KCNN2: variants seen among roughly 807,000 people sequenced by gnomAD.
KCNN2 encodes small conductance calcium-activated potassium channel protein 2.
Under a neutral mutation model 55.5 loss-of-function variants are expected in KCNN2, and 24 were observed. That is an observed-to-expected ratio of 0.43 (90% CI 0.31 to 0.61). KCNN2 has a LOEUF of 0.61. Ranked by LOEUF, KCNN2 falls within the 20% of genes least tolerant of loss-of-function variation. The pLI is 0.08. For missense variants in KCNN2, 754 were observed against 853.6 expected (o/e 0.88, Z 1.45); for synonymous variants, 431 against 336.1 (o/e 1.28, Z -3.09).
intron 3 of KCNN2, among the ~76,000 whole-genome samples, chr5:114,425,566 C>T (rs907249167): frequency 1.3e-5 from 2 of 152,172 alleles, no homozygotes; most frequent in African/African-American, 4.8e-5. Context: ...TTGGTTAAAT[C>T]AAATGCTCCA....
intron 2 of KCNN2, among the ~76,000 whole-genome samples, chr5:114,281,976 G>A (rs943440388): frequency 6.6e-6 from 1 of 151,844 alleles, no homozygotes; most frequent in Non-Finnish European, 1.5e-5. Flanking sequence ...GGGTGCTATA[G>A]TTTTTATATA....
chr5:114,191,307 G>A (rs1753443530), intron 1 of KCNN2, among the ~76,000 whole-genome samples: 1 of 152,080 alleles, frequency 6.6e-6, no homozygotes, highest in Non-Finnish European at 1.5e-5. Flanking sequence ...CTTTCACCCA[G>A]AGCATTCCCA....
At chr5:114,308,088 C>G (rs1394436397) in intron 2 of KCNN2, among the ~76,000 whole-genome samples, 2 of 152,116 alleles carry the variant, frequency 1.3e-5, no homozygotes, top group East Asian at 3.9e-4. Flanking sequence ...CTATGTTTTT[C>G]CTATCAGGCT....
chr5:114,076,189 C>A (rs991493071), intron 1 of KCNN2, among the ~76,000 whole-genome samples: 1 of 152,230 alleles, frequency 6.6e-6, no homozygotes, highest in Non-Finnish European at 1.5e-5. Flanking sequence ...GGCCTCCACG[C>A]CTCACCTACC....
At chr5:114,346,688 C>G (rs1757108824) in intron 2 of KCNN2, among the ~76,000 whole-genome samples, 1 of 149,262 alleles carries the variant, frequency 6.7e-6, no homozygotes, top group Non-Finnish European at 1.5e-5. Context: ...TCTCTGATAG[C>G]TGAAAGGGCC....
intron 2 of KCNN2, among the ~76,000 whole-genome samples, chr5:114,255,493 G>A (rs1043265913): frequency 7.9e-5 from 12 of 152,160 alleles, no homozygotes; most frequent in African/African-American, 2.9e-4. Flanking sequence ...GAGAGGTAGC[G>A]GTGAGAGAGA....
At chr5:114,136,945 A>T (rs1752185560) in intron 1 of KCNN2, among the ~76,000 whole-genome samples, 1 of 152,194 alleles carries the variant, frequency 6.6e-6, no homozygotes, top group East Asian at 1.9e-4. Context: ...ACACAGCTAA[A>T]AAGCATAACA....
At chr5:114,061,865 A>G (rs932156250) in intron 1 of KCNN2, among the ~76,000 whole-genome samples, 7 of 152,196 alleles carry the variant, frequency 4.6e-5, no homozygotes, top group Non-Finnish European at 1.0e-4. Context: ...CTGGTAGAAG[A>G]ACCTTCAGAT....
chr5:114,295,366 C>T (rs1755987872), intron 2 of KCNN2, among the ~76,000 whole-genome samples: 1 of 152,200 alleles, frequency 6.6e-6, no homozygotes, highest in Admixed American at 6.5e-5. Context: ...TTCGAGCTTC[C>T]AGGCTGCTTT....
intron 2 of KCNN2, among the ~76,000 whole-genome samples, chr5:114,280,748 T>C (rs1157489379): frequency 6.6e-6 from 1 of 152,140 alleles, no homozygotes; most frequent in Non-Finnish European, 1.5e-5. Flanking sequence ...CCCTAAACAC[T>C]CAGAGTGACC....
chr5:114,446,612 T>C (rs1760418940), intron 3 of KCNN2, among the ~76,000 whole-genome samples: 1 of 151,648 alleles, frequency 6.6e-6, no homozygotes, highest in South Asian at 2.1e-4. Context: ...CATGCACCTC[T>C]GTGCCCGGCT....
intron 2 of KCNN2, among the ~76,000 whole-genome samples, chr5:114,346,732 C>T (rs1439929940): frequency 6.8e-6 from 1 of 146,976 alleles, no homozygotes; most frequent in African/African-American, 2.5e-5. Context: ...CAATGAGTTA[C>T]CTTTGTATGC....
chr5:114,375,110 G>A (rs1466236701), intron 2 of KCNN2, among the ~76,000 whole-genome samples: 3 of 152,140 alleles, frequency 2.0e-5, no homozygotes, highest in Non-Finnish European at 4.4e-5. Flanking sequence ...TCTTAGAATA[G>A]TGTCTCCAGT....
chr5:114,235,918 T>C (rs1189359651), intron 2 of KCNN2, among the ~76,000 whole-genome samples: 1 of 152,144 alleles, frequency 6.6e-6, no homozygotes, highest in African/African-American at 2.4e-5. Context: ...ACTCAGCTGG[T>C]TGGGGGAGAA....
chr5:114,187,667 G>A (rs1158321088), intron 1 of KCNN2, among the ~76,000 whole-genome samples: 2 of 148,610 alleles, frequency 1.3e-5, no homozygotes, highest in African/African-American at 2.5e-5. Context: ...CACTGCACCC[G>A]GCTAATTTTT....
intron 1 of KCNN2, among the ~76,000 whole-genome samples, chr5:114,148,641 A>G (rs898301535): frequency 6.6e-6 from 1 of 152,058 alleles, no homozygotes; most frequent in Middle Eastern, 3.2e-3. Flanking sequence ...AAAGGATGAG[A>G]GGAATGAGAA....
At chr5:114,093,915 G>C (rs760100471) in intron 1 of KCNN2, among the ~76,000 whole-genome samples, 4 of 152,116 alleles carry the variant, frequency 2.6e-5, no homozygotes, top group Non-Finnish European at 5.9e-5. Context: ...CCCTGTTACA[G>C]ATATTCTCAC....
At chr5:114,387,871 C>T (rs1056736549) in intron 2 of KCNN2, among the ~76,000 whole-genome samples, 7 of 152,146 alleles carry the variant, frequency 4.6e-5, no homozygotes, top group Non-Finnish European at 1.0e-4. Flanking sequence ...CCTCTGCTCC[C>T]ACTCAGATAT....
intron 2 of KCNN2, among the ~76,000 whole-genome samples, chr5:114,238,031 C>A (rs1754539529): frequency 6.6e-6 from 1 of 152,188 alleles, no homozygotes; most frequent in Admixed American, 6.5e-5. Context: ...TTCAATTTCA[C>A]CGCAAAGGAA....
Sources: gnomAD v4.1 joint callset for allele counts (sites outside exome capture counted in the v4.1 genomes callset) on GRCh38, gnomAD v4.1.1 for gene constraint, MANE v1.5 for transcripts, NCBI Gene and HGNC (gene_info 2026-07-23, HGNC 2026-07-21) for gene names.